Variants in ENPP7 observed in about 807,000 individuals in gnomAD.
ENPP7 encodes ectonucleotide pyrophosphatase/phosphodiesterase family member 7.
Under a neutral mutation model 33.6 loss-of-function variants are expected in ENPP7, and 39 were observed. The ratio of observed to expected loss-of-function variants is 1.16; its 90% CI spans 0.90 to 1.52. The LOEUF is 1.52. Ranked by LOEUF, ENPP7 falls within the 40% of genes most tolerant of loss-of-function variation. The pLI is 0.00. For missense variants in ENPP7, 594 were observed against 641.0 expected (o/e 0.93, Z 0.79); for synonymous variants, 244 against 274.3 (o/e 0.89, Z 1.09).
At position 79,735,329 on chromosome 17, in the gene ENPP7, G is replaced by A. The variant is rs782113366; in HGVS notation, c.686G>A (p.Ser229Asn). 2.2e-5 allele frequency: 35 copies of A among 1,613,456 alleles called. No individual in the cohort carries two copies. The highest frequency in any genetic ancestry group is 7.6e-6 in the Non-Finnish European group (9 of 1,180,030). The change falls in exon 3 of 6, where the codon AGC (serine) becomes AAC (asparagine). Residue 229 changes from serine to asparagine, a missense_variant. Physicochemically the swap from Ser to Asn is conservative, Grantham distance 46. Around this residue, in one of 3 missense-constraint regions of ENPP7, gnomAD observed 504 missense variants for 512.8 expected, o/e 0.98. Coordinates refer to ENST00000328313, the MANE Select transcript of ENPP7 (RefSeq NM_178543.5). The surrounding 1 kb of genome is among the most constrained non-coding windows in gnomAD (Gnocchi z 5.5). ...CGGACCGTGGGCTACCTCCGGGAGA[G>A]CATCGCGCGCAACCACCTCACAGAC... ...VDRTVGYLRE[S>N]IARNHLTDRL...
chr17:79,741,450 G>A (rs1314959514), intron 5 of ENPP7, among the ~76,000 whole-genome samples: 1 of 152,190 alleles, frequency 6.6e-6, no homozygotes, highest in African/African-American at 2.4e-5. Flanking sequence ...TCTGCCTCCT[G>A]GGATCCGCAC....
chr17:79,735,732 T>A lies in ENPP7; in HGVS notation c.1026+63T>A. On this transcript the variant is annotated intron_variant, in intron 3 of 5. Coordinates refer to ENST00000328313, the MANE Select transcript of ENPP7 (RefSeq NM_178543.5). The surrounding 1 kb of genome is among the most constrained non-coding windows in gnomAD (Gnocchi z 5.5). ...CCTCCCCAGGCTCTGGGTCTTCTTT[T>A]TTTTTTTTTGAGACCAGGGTCTTGC... 1.4e-6 allele frequency: 2 copies of A among 1,464,832 alleles called. No homozygotes were observed. The allele number at this position is 1,464,832 out of a possible 1,614,324, so 90.7% of individuals were successfully genotyped here.
chr17:79,731,522 T>G (rs2094285477), intron 1 of ENPP7, 130 bp downstream of exon 1: 3 of 1,175,680 alleles, frequency 2.6e-6, no homozygotes, highest in Admixed American at 6.0e-5. Context: ...AGGGGACCAT[T>G]AGGAATCCTC....
Position 79,735,550 on chromosome 17 carries a change from GC to G in ENPP7, c.910del (p.His304ThrfsTer28). 1.2e-6 allele frequency: 2 copies of G among 1,613,804 alleles called. No homozygotes were observed. The highest frequency in any genetic ancestry group is 1.7e-6 in the Non-Finnish European group (2 of 1,179,998). Reference protein sequence around the residue: ...LEKVYDALKDAHPKLHVYKKE... With the variant: ...LEKVYDALKDXHPKLHVYKKE... ...GAAGGTGTACGATGCCCTCAAGGAC[GC>G]CCACCCCAAGCTCCACGTCTACAAG... On this transcript the variant is annotated frameshift_variant, in exon 3 of 6. Transcript: ENST00000328313. LOFTEE classifies it high-confidence loss of function. This position sits in a 1 kb window ranked among gnomAD's most constrained non-coding sequence, Gnocchi z 5.5.
Position 79,731,193 on chromosome 17 carries a change from C to A in ENPP7, c.54C>A (p.Pro18=). 6.2e-7 allele frequency: 1 copy of A among 1,611,620 alleles called. No homozygotes were observed. ...TGGCTCTGGCCACGCTCCTGGCTCC[C>A]GGGGCCGGAGCACCGGTACAAAGTC... ...LTVALATLLA[P]GAGAPVQSQG... The change falls in exon 1 of 6, where the codon CCC becomes CCA. Residue 18 remains proline, a synonymous_variant. Coordinates refer to ENST00000328313, the MANE Select transcript of ENPP7 (RefSeq NM_178543.5).
intron 2 of ENPP7, among the ~76,000 whole-genome samples, chr17:79,734,466 C>T (rs8081537): frequency 0.65 from 97,617 of 149,868 alleles, 32,588 homozygotes; most frequent in East Asian, 0.9. Flanking sequence ...GCAGACACTG[C>T]GTATCTGGGA....
intron 3 of ENPP7, among the ~76,000 whole-genome samples, chr17:79,736,591 G>A (rs1445041245): frequency 3.7e-5 from 5 of 134,610 alleles, no homozygotes; most frequent in Non-Finnish European, 8.1e-5. Flanking sequence ...TACGTGTCCA[G>A]GGTAAAGTGT....
At chr17:79,733,789 A>G in intron 2 of ENPP7, 136 bp downstream of exon 2, 1 of 956,566 alleles carries the variant, frequency 1.0e-6, no homozygotes, top group Non-Finnish European at 1.5e-6. Context: ...CTACCCTGGC[A>G]CAGAAGGGTG....
chr17:79,731,290 A>T lies in ENPP7; in HGVS notation c.151A>T (p.Thr51Ser). ...FRWNYDQDVD[T>S]PNLDAMARDG... ...CTGGAACTACGACCAGGACGTGGACACCCCCAACCTGGACGCCATGGCCCG... is the reference window on the plus strand; with the variant it reads ...CTGGAACTACGACCAGGACGTGGACTCCCCCAACCTGGACGCCATGGCCCG... Residue 51 changes from threonine (T) to serine (S), a missense_variant, in exon 1 of 6, where the codon ACC (threonine) becomes TCC (serine). Thr to Ser is a moderately conservative substitution (Grantham distance 58, BLOSUM62 1). Around this residue, in one of 3 missense-constraint regions of ENPP7, gnomAD observed 85 missense variants for 111.3 expected, o/e 0.76. Transcript: ENST00000328313. The T allele has an allele frequency of 6.2e-7, 1 of 1,613,696 alleles. No individual in the cohort carries two copies. The highest frequency in any genetic ancestry group is 8.5e-7 in the Non-Finnish European group (1 of 1,179,916).
chr17:79,742,069 G>C lies in ENPP7; in HGVS notation c.*292G>C. The C allele has an allele frequency of 4.3e-6, 2 of 464,950 alleles. No homozygotes were observed. Among genetic ancestry groups the C allele is most frequent in the Non-Finnish European group, 5.7e-6 (2 of 353,930 alleles). 28.8% of individuals were successfully genotyped at this position (464,950 alleles called of 1,614,324 possible). On this transcript the variant is annotated 3_prime_UTR_variant, in exon 6 of 6. Coordinates refer to ENST00000328313, the MANE Select transcript of ENPP7 (RefSeq NM_178543.5). ...CGGGCCCCCTCCTCCTGCAAAACCC[G>C]CTCCCGAAGCGGCGCTGCCGTCTGC... is the stretch of plus-strand genomic sequence containing the variant.
rs1166050060 is a variant in ENPP7 at position 79,738,742 on chromosome 17, C to T, written c.*16+680C>T. Reference sequence around the variant, plus strand: ...GCATGGGGTGCGTTTGGGAGGAGAGCTCCGGGGCTGTGTTCCTGGAACTCC... The same window carrying T: ...GCATGGGGTGCGTTTGGGAGGAGAGTTCCGGGGCTGTGTTCCTGGAACTCC... On this transcript the variant is annotated intron_variant, in intron 5 of 5. Transcript: ENST00000328313. This position sits in a 1 kb window ranked among gnomAD's most constrained non-coding sequence, Gnocchi z 6.2. 19 of 152,126 alleles carry T rather than the reference C, an allele frequency of 1.2e-4. No individual in the cohort carries two copies. Among genetic ancestry groups the T allele is most frequent in the Admixed American group, 9.8e-4 (15 of 15,274 alleles). The allele number at this position is 152,126 out of a possible 1,614,324, so 9.4% of individuals were successfully genotyped here. A position where few individuals can be genotyped will look rare whatever the true frequency, so the allele number is the denominator to read the frequency against.
rs1421454432 is a variant in ENPP7 at position 79,738,278 on chromosome 17, T to C, written c.*16+216T>C. The C allele has an allele frequency of 1.7e-5, 9 of 538,812 alleles. No individual in the cohort carries two copies. Among genetic ancestry groups the C allele is most frequent in the Non-Finnish European group, 3.0e-5 (9 of 299,702 alleles). The allele number at this position is 538,812 out of a possible 1,614,324, so 33.4% of individuals were successfully genotyped here. ...CTCTGCTCTGGGCTTGGAGGAGGTC[T>C]TTCCAGAGCAGACCACCCGGACCAG... On this transcript the variant is annotated intron_variant, in intron 5 of 5. Transcript: ENST00000328313. The surrounding 1 kb of genome is among the most constrained non-coding windows in gnomAD (Gnocchi z 6.2).
Position 79,738,322 on chromosome 17 carries a change from TC to T in ENPP7, c.*16+265del. The T allele has an allele frequency of 2.5e-6, 1 of 392,304 alleles. No individual in the cohort carries two copies. Among genetic ancestry groups the T allele is most frequent in the Non-Finnish European group, 4.7e-6 (1 of 212,376 alleles). The allele number at this position is 392,304 out of a possible 1,614,324, so 24.3% of individuals were successfully genotyped here. On this transcript the variant is annotated intron_variant, in intron 5 of 5. Transcript: ENST00000328313. This position sits in a 1 kb window ranked among gnomAD's most constrained non-coding sequence, Gnocchi z 6.2. Reference sequence around the variant, plus strand: ...GGACCAGTGGCCAGAATTCCCACCCTCCCCCAAAAGCCAGAACTCCCTCAGC... The same window carrying T: ...GGACCAGTGGCCAGAATTCCCACCCTCCCCAAAAGCCAGAACTCCCTCAGC...
intron 2 of ENPP7, 60 bp from the exon 3 acceptor site, chr17:79,734,983 G>C: frequency 6.4e-7 from 1 of 1,559,946 alleles, no homozygotes; most frequent in Non-Finnish European, 8.7e-7. Flanking sequence ...GTGTTCACAG[G>C]CATGAGACAA....
At chr17:79,740,090 A>G (rs545836185) in intron 5 of ENPP7, among the ~76,000 whole-genome samples, 60 of 152,130 alleles carry the variant, frequency 3.9e-4, no homozygotes, top group African/African-American at 1.4e-3. Flanking sequence ...AGCTACTGGC[A>G]GGGAGACTGA....
chr17:79,737,266 G>T lies in ENPP7; in HGVS notation c.1246+6G>T, dbSNP rs782553063. The T allele has an allele frequency of 2.5e-6, 4 of 1,590,980 alleles. No individual in the cohort carries two copies. In the South Asian group the frequency reaches 3.4e-5, roughly 13 times the overall value. ...GCTGCCCATGCTGCACACAGGTGAG[G>T]GCAGGGTGCCCCAAATCCCCGCCTG... On this transcript the variant is annotated splice_donor_region_variant and intron_variant, in intron 4 of 5. Transcript: ENST00000328313. This position sits in a 1 kb window ranked among gnomAD's most constrained non-coding sequence, Gnocchi z 5.5.
At position 79,739,854 on chromosome 17, in the gene ENPP7, C is replaced by T. The variant is rs1031729124; in HGVS notation, c.*16+1792C>T. ...GTGACCACACCACTCACTGAGAAGG[C>T]GGGGCTGGTGAGACAGGAAAAGCCA... On this transcript the variant is annotated intron_variant, in intron 5 of 5. Coordinates refer to ENST00000328313, the MANE Select transcript of ENPP7 (RefSeq NM_178543.5). The surrounding 1 kb of genome is among the most constrained non-coding windows in gnomAD (Gnocchi z 4.4). Among the ~76,000 whole-genome samples, 4 of 152,268 alleles carry T rather than the reference C, an allele frequency of 2.6e-5. No individual in the cohort carries two copies. Among genetic ancestry groups the T allele is most frequent in the South Asian group, 4.1e-4 (2 of 4,828 alleles).
rs782532531 is a variant in ENPP7 at position 79,737,064 on chromosome 17, T to C, written c.1050T>C (p.Asn350=). ...AGAGAATTAACGTCCAGTTCAACAA[T>C]GGGGAGCACGGCTTTGACAACAAGG... ...IHGRINVQFN[N]GEHGFDNKDM... Residue 350 remains asparagine (N), a synonymous_variant, in exon 4 of 6, where the codon AAT becomes AAC. Transcript: ENST00000328313. The surrounding 1 kb of genome is among the most constrained non-coding windows in gnomAD (Gnocchi z 5.5). 2.0e-5 allele frequency: 32 copies of C among 1,613,896 alleles called. No individual in the cohort carries two copies. The highest frequency in any genetic ancestry group is 2.7e-5 in the Non-Finnish European group (32 of 1,180,002).
chr17:79,735,641 A>G lies in ENPP7; in HGVS notation c.998A>G (p.Tyr333Cys), dbSNP rs376152367. 1.6e-4 allele frequency: 261 copies of G among 1,610,896 alleles called. 1 individual carries two copies. Among genetic ancestry groups the G allele is most frequent in the Non-Finnish European group, 2.1e-4 (246 of 1,177,854 alleles). ...CCCAGGGTCACACCCCTGCTGATGTACAGCGACCTTGGCTACGTCATCCAT... is the reference window on the plus strand; with the variant it reads ...CCCAGGGTCACACCCCTGCTGATGTGCAGCGACCTTGGCTACGTCATCCAT... ...NNPRVTPLLM[Y>C]SDLGYVIHGR... Residue 333 changes from tyrosine (Y) to cysteine (C), a missense_variant, in exon 3 of 6, where the codon TAC (tyrosine) becomes TGC (cysteine). By Grantham distance (194) the Tyr-to-Cys change is radical (BLOSUM62 -2). Coordinates refer to ENST00000328313, the MANE Select transcript of ENPP7 (RefSeq NM_178543.5). The surrounding 1 kb of genome is among the most constrained non-coding windows in gnomAD (Gnocchi z 5.5).
Sources: gnomAD v4.1 joint callset for allele counts (sites outside exome capture counted in the v4.1 genomes callset) on GRCh38, gnomAD v4.1.1 for gene constraint, gnomAD v4.1.1 regional missense constraint, Gnocchi (gnomAD v3.1) non-coding constraint, MANE v1.5 for transcripts, NCBI Gene and HGNC (gene_info 2026-07-23, HGNC 2026-07-21) for gene names.